The following CDC45 variants were observed in gnomAD, a reference collection of about 807,000 sequenced individuals.
CDC45 encodes the protein cell division cycle 45, also known as cell division control protein 45 homolog.
A neutral mutation model predicts 77.8 loss-of-function variants in CDC45; 54 were observed. The observed-to-expected ratio is 0.69, with a 90% CI of 0.56 to 0.87. CDC45 has a LOEUF of 0.87. Among genes scored for constraint, CDC45 ranks in the 40% least tolerant of loss-of-function variants. The pLI is 0.00. For synonymous variants in CDC45, 260 were observed against 272.1 expected (o/e 0.96, Z 0.44); for missense variants, 649 against 721.6 (o/e 0.90, Z 1.15).
chr22:19,514,224 G>A (rs1464036323), intron 13 of CDC45, among the ~76,000 whole-genome samples: 1 of 152,212 alleles, frequency 6.6e-6, no homozygotes, highest in Non-Finnish European at 1.5e-5. Flanking sequence ...GGGTATCTGG[G>A]CACAGCTCAC....
intron 17 of CDC45, among the ~76,000 whole-genome samples, chr22:19,517,462 G>A (rs1385335171): frequency 6.6e-6 from 1 of 152,252 alleles, no homozygotes; most frequent in African/African-American, 2.4e-5. Flanking sequence ...ATTCGGCTGT[G>A]TTGGCGTTCT....
intron 4 of CDC45, 145 bp from the exon 5 acceptor site, chr22:19,483,717 G>T: frequency 1.3e-6 from 1 of 746,238 alleles, no homozygotes. Flanking sequence ...TTAGAAGCCT[G>T]GAACTCTTGT....
At position 19,482,466 on chromosome 22, in the gene CDC45, C is replaced by T. The variant is rs13447201; in HGVS notation, c.205-224C>T. ...GAGACTTGGGCTTGCTGAGTCTCAG[C>T]GTGCTCCTGGGGAAAACTGGGAGCC... On this transcript the variant is annotated intron_variant, in intron 3 of 18. Coordinates refer to ENST00000263201, the MANE Select transcript of CDC45 (RefSeq NM_003504.5). Among the ~76,000 whole-genome samples the T allele has an allele frequency of 7.5e-3, 1,141 of 152,350 alleles. 15 individuals carry two copies. Among genetic ancestry groups the T allele is most frequent in the African/African-American group, 0.024 (982 of 41,582 alleles).
intron 9 of CDC45, among the ~76,000 whole-genome samples, chr22:19,501,692 A>G (rs1024971399): frequency 3.9e-5 from 6 of 152,160 alleles, no homozygotes; most frequent in South Asian, 4.1e-4. Context: ...AAAACTAGTC[A>G]TCATTTCAAA....
rs773934171 is a variant in CDC45 at position 19,516,823 on chromosome 22, T to C, written c.1566T>C (p.Phe522=). The change falls in exon 17 of 19, where the codon TTT becomes TTC. Residue 522 remains phenylalanine, a synonymous_variant. Transcript: ENST00000263201. ...ETDSSDRKNF[F]GRAFEKAAES... is the part of the protein sequence containing the mutation. ...ATGTCTTGTGTGTCAGCAGCTTTTT[T>C]GGGAGGGCGTTTGAGAAGGCAGCGG... is the stretch of plus-strand genomic sequence containing the variant. 8.1e-6 allele frequency: 13 copies of C among 1,613,936 alleles called. No homozygotes were observed. The East Asian group carries it at 2.2e-4, about 28-fold the overall frequency.
rs780120444 is a variant in CDC45, at chr22:19,516,633, C to T, written c.1547C>T (p.Ser516Leu). 2.2e-5 allele frequency: 35 copies of T among 1,613,170 alleles called. No homozygotes were observed. The highest frequency in any genetic ancestry group is 1.6e-4 in the Middle Eastern group (1 of 6,082). The change falls in exon 16 of 19, where the codon TCG becomes TTG. Residue 516 changes from serine to leucine, a missense_variant. Transcript: ENST00000263201. The stretch of plus-strand genomic sequence containing the variant: ...GGCATCCCCCCAGAGACCGACAGCT[C>T]GGACAGGAAGAAGTGAGCAGCTTCC... ...VVGIPPETDS[S>L]DRKNFFGRAF...
Position 19,481,059 on chromosome 22 carries a change from G to GT in CDC45, c.204+18dup. ...CATAAAGAACAGGTATTGAAGATGC[G>GT]TTTTAGAATAACGTGGCTTTTTACT... On this transcript the variant is annotated intron_variant, in intron 3 of 18. Coordinates refer to ENST00000263201, the MANE Select transcript of CDC45 (RefSeq NM_003504.5). 1.3e-6 allele frequency: 2 copies of GT among 1,558,708 alleles called. No individual in the cohort carries two copies. The highest frequency in any genetic ancestry group is 1.8e-6 in the Non-Finnish European group (2 of 1,131,692).
intron 8 of CDC45, 40 bp downstream of exon 8, chr22:19,497,487 G>T: frequency 6.4e-7 from 1 of 1,563,978 alleles, no homozygotes. Context: ...AGTATTTGTT[G>T]CCTTGGTCAG....
intron 13 of CDC45, among the ~76,000 whole-genome samples, chr22:19,512,639 A>G (rs2146431837): frequency 6.6e-6 from 1 of 152,288 alleles, no homozygotes; most frequent in East Asian, 1.9e-4. Context: ...AGGAGCATTT[A>G]TCCCACTCTT....
chr22:19,499,724 GCTT>G (rs1185376969), intron 9 of CDC45, among the ~76,000 whole-genome samples: 20 of 152,320 alleles, frequency 1.3e-4, no homozygotes, highest in Admixed American at 1.2e-3. Context: ...GTGGGGGTTG[GCTT>G]CTTCTTTCAT....
At chr22:19,508,500 G>A in intron 12 of CDC45, 30 bp from the exon 13 acceptor site, 1 of 1,613,370 alleles carries the variant, frequency 6.2e-7, no homozygotes, top group East Asian at 2.2e-5. Context: ...CACAATTTGA[G>A]GGTGACAGCT....
intron 6 of CDC45, among the ~76,000 whole-genome samples, 177 bp from the exon 7 acceptor site, chr22:19,495,804 A>C (rs1271253974): frequency 1.3e-5 from 2 of 152,224 alleles, no homozygotes; most frequent in Non-Finnish European, 2.9e-5. Context: ...CCTGGGAGAC[A>C]TAGCAAGAAC....
chr22:19,518,000 G>A (rs552641798), intron 17 of CDC45, among the ~76,000 whole-genome samples: 2 of 152,232 alleles, frequency 1.3e-5, no homozygotes, highest in South Asian at 4.1e-4. Flanking sequence ...TTGTTGAAGT[G>A]GCGTCAGCCA....
At chr22:19,504,595 G>A (rs979082537) in intron 9 of CDC45, among the ~76,000 whole-genome samples, 3 of 152,126 alleles carry the variant, frequency 2.0e-5, no homozygotes, top group African/African-American at 4.8e-5. Flanking sequence ...CACTGTGCCC[G>A]GCCTGGGCTG....
At chr22:19,510,431 G>A (rs1393034700) in intron 13 of CDC45, among the ~76,000 whole-genome samples, 2 of 152,068 alleles carry the variant, frequency 1.3e-5, no homozygotes, top group Non-Finnish European at 2.9e-5. Context: ...CATACAAATG[G>A]GATCATATAA....
chr22:19,480,581 AGTC>A (rs947464690), intron 2 of CDC45, among the ~76,000 whole-genome samples: 5 of 152,158 alleles, frequency 3.3e-5, no homozygotes, highest in African/African-American at 4.8e-5. Context: ...CTGTGGGTAT[AGTC>A]GTGTCACAGG....
chr22:19,505,867 T>C (rs916038670), intron 10 of CDC45, among the ~76,000 whole-genome samples: 1 of 152,088 alleles, frequency 6.6e-6, no homozygotes, highest in African/African-American at 2.4e-5. Flanking sequence ...GAAAAGACCA[T>C]GGGGAGACCA....
chr22:19,484,124 A>C, intron 5 of CDC45, 119 bp downstream of exon 5: 1 of 948,916 alleles, frequency 1.1e-6, no homozygotes, highest in Non-Finnish European at 1.6e-6. Context: ...AAAAGTTAGC[A>C]GGCATGGATG....
chr22:19,519,018 C>T (rs903378211), intron 18 of CDC45, 109 bp downstream of exon 18: 46 of 838,938 alleles, frequency 5.5e-5, no homozygotes, highest in Non-Finnish European at 7.9e-5. Flanking sequence ...GGTTTCAGAC[C>T]GAAGCAGGGT....
Sources: gnomAD v4.1 joint callset for allele counts (sites outside exome capture counted in the v4.1 genomes callset) on GRCh38, gnomAD v4.1.1 for gene constraint, MANE v1.5 for transcripts, NCBI Gene and HGNC (gene_info 2026-07-23, HGNC 2026-07-21) for gene names.